Variants in CPXM2 observed in about 807,000 individuals in gnomAD.
CPXM2 encodes the protein inactive carboxypeptidase-like protein X2.
In CPXM2, 66 loss-of-function variants were observed where a neutral mutation model predicts 86.1. That is an observed-to-expected ratio of 0.77 (90% CI 0.63 to 0.94). The LOEUF is 0.94. Among genes scored for constraint, CPXM2 ranks in the 40% least tolerant of loss-of-function variants. The pLI is 0.00. For synonymous variants in CPXM2, 388 were observed against 400.2 expected, an observed-to-expected ratio of 0.97 and a Z score of 0.36; for missense variants, 948 against 1,026.3, an observed-to-expected ratio of 0.92 and a Z score of 1.04.
chr10:123,798,293 G>GC (rs1385666253), intron 5 of CPXM2, among the ~76,000 whole-genome samples, 167 bp from the exon 6 acceptor site: 7 of 151,246 alleles, frequency 4.6e-5, no homozygotes, highest in African/African-American at 1.5e-4. Flanking sequence ...CCTGGATCCT[G>GC]CCCTCAGGAA....
chr10:123,907,406 T>C (rs937620541), intron 2 of CPXM2, among the ~76,000 whole-genome samples: 2 of 152,228 alleles, frequency 1.3e-5, no homozygotes, highest in Non-Finnish European at 2.9e-5. Context: ...CTGCATTTAC[T>C]TGGGGAGGAC....
chr10:123,892,285 G>A (rs765415490), upstream of CPXM2, among the ~76,000 whole-genome samples: 7 of 152,122 alleles, frequency 4.6e-5, no homozygotes, highest in Non-Finnish European at 8.8e-5. Context: ...GGGGTTTCTG[G>A]GAGTAAAGTT....
At chr10:123,881,230 T>TCCCCCCCCCCCCCC (rs1564811045) in intron 1 of CPXM2, among the ~76,000 whole-genome samples, 1 of 66,896 alleles carries the variant, frequency 1.5e-5, no homozygotes, top group Non-Finnish European at 3.0e-5. Context: ...GGAGCACCCT[T>TCCCCCCCCCCCCCC]CTCTTCCCTT....
intron 4 of CPXM2, among the ~76,000 whole-genome samples, chr10:123,839,774 T>C (rs1009525875): frequency 3.9e-5 from 6 of 152,184 alleles, no homozygotes; most frequent in African/African-American, 1.4e-4. Flanking sequence ...TGTATCCTCA[T>C]CCCATTTCCT....
chr10:123,776,207 A>AG (rs142031614), intron 7 of CPXM2, among the ~76,000 whole-genome samples: 2,962 of 152,296 alleles, frequency 0.019, 40 homozygotes, highest in Non-Finnish European at 0.028. Flanking sequence ...AATATAATGG[A>AG]GGAGGATGAG....
At chr10:123,797,898 A>G in intron 6 of CPXM2, 78 bp downstream of exon 6, 1 of 1,399,684 alleles carries the variant, frequency 7.1e-7, no homozygotes, top group Non-Finnish European at 9.4e-7. Context: ...TGCTTAGTTT[A>G]TTTTTATTTG....
chr10:123,913,720 A>C, intron 2 of CPXM2: 1 of 219,216 alleles, frequency 4.6e-6, no homozygotes, highest in Non-Finnish European at 9.3e-6. Context: ...GGGGAGCGAG[A>C]AAAAGAGAAG....
At chr10:123,887,990 T>C (rs551181238) in intron 1 of CPXM2, among the ~76,000 whole-genome samples, 29 of 152,330 alleles carry the variant, frequency 1.9e-4, no homozygotes, top group African/African-American at 7.0e-4. Context: ...TGCAATACTC[T>C]CAGTTAGCCA....
intron 2 of CPXM2, among the ~76,000 whole-genome samples, chr10:123,868,746 C>T (rs1047007227): frequency 2.6e-5 from 4 of 152,056 alleles, no homozygotes; most frequent in African/African-American, 4.8e-5. Flanking sequence ...GCTAGAATCA[C>T]GTGCCCAGAA....
intron 3 of CPXM2, among the ~76,000 whole-genome samples, chr10:123,860,352 C>A (rs1446911062): frequency 6.6e-6 from 1 of 152,158 alleles, no homozygotes; most frequent in Non-Finnish European, 1.5e-5. Flanking sequence ...TCATTTGTTC[C>A]AAAGTCCCCC....
chr10:123,865,469 AC>A lies in CPXM2; in HGVS notation c.404-2747del. ...AGAGGGATGGCAGAAAGTGAGAAGG[AC>A]AGAGGCGGGACACAGGACACGTGCA... is the stretch of plus-strand genomic sequence containing the variant. On this transcript the variant is annotated intron_variant, in intron 2 of 13. Coordinates refer to ENST00000241305, the MANE Select transcript of CPXM2 (RefSeq NM_198148.3). This position sits in a 1 kb window ranked among gnomAD's most constrained non-coding sequence, Gnocchi z 4.7. 6.6e-6 allele frequency among the ~76,000 whole-genome samples: 1 copy of A among 152,192 alleles called. No homozygotes were observed. Among genetic ancestry groups the A allele is most frequent in the East Asian group, 1.9e-4 (1 of 5,184 alleles).
upstream of CPXM2, among the ~76,000 whole-genome samples, chr10:123,895,127 T>C (rs1346488271): frequency 4.3e-5 from 5 of 116,514 alleles, no homozygotes; most frequent in East Asian, 3.0e-4. Flanking sequence ...TTTTCTTTTT[T>C]TTTTTTTTTT....
At chr10:123,813,292 C>T (rs1847734946) in intron 4 of CPXM2, among the ~76,000 whole-genome samples, 1 of 152,224 alleles carries the variant, frequency 6.6e-6, no homozygotes, top group African/African-American at 2.4e-5. Flanking sequence ...CTTACTTTGT[C>T]TAAGAAGAAG....
chr10:123,899,331 A>G (rs573509056), intron 2 of CPXM2, among the ~76,000 whole-genome samples: 1 of 151,676 alleles, frequency 6.6e-6, no homozygotes, highest in East Asian at 2.0e-4. Context: ...GAATACAGAA[A>G]TGGTTCAATG....
intron 3 of CPXM2, among the ~76,000 whole-genome samples, chr10:123,845,392 GA>G (rs1259788687): frequency 3.3e-5 from 5 of 151,878 alleles, no homozygotes; most frequent in Non-Finnish European, 5.9e-5. Flanking sequence ...AATATTTCTA[GA>G]AAGGTCTTGA....
At chr10:123,863,945 T>A (rs1848919965) in intron 2 of CPXM2, among the ~76,000 whole-genome samples, 1 of 152,106 alleles carries the variant, frequency 6.6e-6, no homozygotes, top group Admixed American at 6.5e-5. Flanking sequence ...GAGGGCCTTG[T>A]CAGAATCCAG....
chr10:123,942,416 G>A (rs1056102825), upstream of CPXM2, among the ~76,000 whole-genome samples: 1 of 152,208 alleles, frequency 6.6e-6, no homozygotes, highest in African/African-American at 2.4e-5. Context: ...AAAACAGGAT[G>A]TGGTAAAGAA....
rs149535788 is a variant in CPXM2, at chr10:123,773,213, G to C, written c.979-2174C>G. On this transcript the variant is annotated intron_variant, in intron 7 of 13. Coordinates refer to ENST00000241305, the MANE Select transcript of CPXM2 (RefSeq NM_198148.3). ...TTTATCTCTCTCATTGTGGTCATCA[G>C]CTCCCTCATTGTGGTTATCACTTCC... Among the ~76,000 whole-genome samples, 15 of 140,458 alleles carry C rather than the reference G, an allele frequency of 1.1e-4. 1 individual carries two copies. The highest frequency in any genetic ancestry group is 2.3e-4 in the South Asian group (1 of 4,342). The allele number at this position is 140,458 out of a possible 152,430, so 92.1% of individuals were successfully genotyped here. A position where few individuals can be genotyped will look rare whatever the true frequency, so the allele number is the denominator to read the frequency against.
chr10:123,908,835 C>G (rs151075926), intron 2 of CPXM2, among the ~76,000 whole-genome samples: 1 of 152,154 alleles, frequency 6.6e-6, no homozygotes, highest in Non-Finnish European at 1.5e-5. Context: ...ACACATTATA[C>G]ATTTGTTAAA....
Sources: allele counts gnomAD v4.1 joint callset (sites outside exome capture counted in the v4.1 genomes callset), GRCh38; gene constraint gnomAD v4.1.1; non-coding constraint Gnocchi (gnomAD v3.1); transcripts MANE v1.5; gene names NCBI Gene and HGNC (gene_info 2026-07-23, HGNC 2026-07-21).